DAB1: variants seen among roughly 807,000 people sequenced by gnomAD.
DAB1 encodes disabled homolog 1.
DAB1 carries 15 observed loss-of-function variants against 64.6 expected under a neutral mutation model. The ratio of observed to expected loss-of-function variants is 0.23; its 90% confidence interval spans 0.16 to 0.36. The LOEUF is 0.36. DAB1 is among the 10% of genes least tolerant of loss of function. DAB1 has a pLI of 1.00. For synonymous variants in DAB1, 235 were observed against 251.9 expected (o/e 0.93, Z 0.64); for missense variants, 596 against 706.7 (o/e 0.84, Z 1.78).
chr1:57,778,851 C>G (rs1649937925), intron 6 of DAB1, among the ~76,000 whole-genome samples: 1 of 151,626 alleles, frequency 6.6e-6, no homozygotes, highest in Non-Finnish European at 1.5e-5. Context: ...CTCCCTTTCT[C>G]CCTCCTTTCC....
chr1:57,153,686 G>A (rs1300948094), intron 2 of DAB1, among the ~76,000 whole-genome samples: 2 of 152,028 alleles, frequency 1.3e-5, no homozygotes, highest in Non-Finnish European at 2.9e-5. Context: ...CACTCAGGCT[G>A]GAGGGCAGTG....
intron 7 of DAB1, among the ~76,000 whole-genome samples, chr1:57,583,290 CTTT>C (rs34464140): frequency 1.2e-4 from 16 of 136,342 alleles, no homozygotes; most frequent in Admixed American, 3.0e-4. Flanking sequence ...TTTTTCTTTT[CTTT>C]TTTTTTTTTT....
chr1:57,620,417 G>C (rs1170195069), intron 7 of DAB1, among the ~76,000 whole-genome samples: 1 of 152,204 alleles, frequency 6.6e-6, no homozygotes, highest in Non-Finnish European at 1.5e-5. Context: ...GAAAATGCTA[G>C]TTTTGTATGA....
At chr1:57,042,214 G>A (rs1223726776) in intron 9 of DAB1, among the ~76,000 whole-genome samples, 1 of 152,192 alleles carries the variant, frequency 6.6e-6, no homozygotes, top group Non-Finnish European at 1.5e-5. Context: ...CTTAAGGTTT[G>A]AAGTCCAGAG....
chr1:58,233,019 T>C (rs1285648085), intron 4 of DAB1, among the ~76,000 whole-genome samples: 1 of 152,220 alleles, frequency 6.6e-6, no homozygotes, highest in Non-Finnish European at 1.5e-5. Context: ...CCTAGAACTC[T>C]ATGTAGCACA....
intron 1 of DAB1, among the ~76,000 whole-genome samples, chr1:57,349,656 T>C (rs1025329656): frequency 1.3e-5 from 2 of 152,188 alleles, no homozygotes; most frequent in Admixed American, 6.5e-5. Context: ...CAGCCTACCA[T>C]GTAGGCACCT....
intron 7 of DAB1, among the ~76,000 whole-genome samples, chr1:57,437,253 T>A (rs902360783): frequency 6.6e-6 from 1 of 152,026 alleles, no homozygotes; most frequent in African/African-American, 2.4e-5. Flanking sequence ...TTTCAAATAA[T>A]TCTCTTCCCT....
intron 6 of DAB1, among the ~76,000 whole-genome samples, chr1:57,663,599 G>C (rs1006456595): frequency 2.0e-5 from 3 of 151,778 alleles, no homozygotes; most frequent in African/African-American, 7.3e-5. Flanking sequence ...GCGGTAATGA[G>C]AGTTGAACAT....
At chr1:58,230,144 A>T (rs1659708208) in intron 4 of DAB1, among the ~76,000 whole-genome samples, 1 of 152,170 alleles carries the variant, frequency 6.6e-6, no homozygotes, top group South Asian at 2.1e-4. Context: ...GAAAAAAAGA[A>T]CAAGGTGACC....
intron 6 of DAB1, among the ~76,000 whole-genome samples, chr1:57,739,364 A>C (rs1327042511): frequency 1.4e-5 from 2 of 147,918 alleles, no homozygotes; most frequent in Non-Finnish European, 3.0e-5. Context: ...TCAGGGAAGA[A>C]TAACACTCAG....
At chr1:57,735,175 GAGA>G (rs1453770189) in intron 6 of DAB1, among the ~76,000 whole-genome samples, 3 of 152,196 alleles carry the variant, frequency 2.0e-5, no homozygotes, top group African/African-American at 7.2e-5. Context: ...TAAAATGAAG[GAGA>G]AGAAGTGAGA....
At chr1:58,118,511 C>T (rs1310140666) in intron 5 of DAB1, among the ~76,000 whole-genome samples, 4 of 97,038 alleles carry the variant, frequency 4.1e-5, no homozygotes, top group African/African-American at 1.7e-4. Context: ...TATACACACA[C>T]ACACACACAC....
intron 6 of DAB1, among the ~76,000 whole-genome samples, chr1:57,741,520 T>C (rs1647993001): frequency 6.6e-6 from 1 of 152,178 alleles, no homozygotes; most frequent in Non-Finnish European, 1.5e-5. Flanking sequence ...TCAAAGTGTC[T>C]AGATTTAAAT....
Position 58,249,001 on chromosome 1 carries a change from A to G in DAB1, n.309+94351T>C, listed in dbSNP as rs542776521. ...GCATTCATTGGAACTCAGCCTCCCA[A>G]AGCGGAAGCAAAGCCACTGCAAGGC... On this transcript the variant is annotated intron_variant and non_coding_transcript_variant, in intron 4 of 20. Coordinates refer to the DAB1 transcript ENST00000485760. Among the ~76,000 whole-genome samples the G allele has an allele frequency of 5.3e-4, 81 of 152,238 alleles. 1 individual carries two copies. Among genetic ancestry groups the G allele is most frequent in the African/African-American group, 1.9e-3 (78 of 41,532 alleles).
chr1:57,073,705 A>G (rs1344834653), intron 4 of DAB1, among the ~76,000 whole-genome samples: 1 of 152,178 alleles, frequency 6.6e-6, no homozygotes, highest in East Asian at 1.9e-4. Flanking sequence ...GGAGGTATGT[A>G]CCAGATCAAT....
At chr1:57,395,206 A>G (rs1333197723) in intron 1 of DAB1, among the ~76,000 whole-genome samples, 1 of 152,068 alleles carries the variant, frequency 6.6e-6, no homozygotes, top group Non-Finnish European at 1.5e-5. Context: ...TTGTATTTTT[A>G]GTAGAGACGG....
upstream of DAB1, among the ~76,000 whole-genome samples, chr1:57,425,468 G>A (rs1685247865): frequency 6.6e-6 from 1 of 152,046 alleles, no homozygotes; most frequent in Non-Finnish European, 1.5e-5. Context: ...TGCACTCCTT[G>A]TGGAGCCAGT....
At chr1:58,065,612 TC>T (rs1418748519) in intron 5 of DAB1, among the ~76,000 whole-genome samples, 2 of 152,102 alleles carry the variant, frequency 1.3e-5, no homozygotes, top group Non-Finnish European at 2.9e-5. Flanking sequence ...CATGGTCCCC[TC>T]CCAGCGGAGA....
intron 7 of DAB1, among the ~76,000 whole-genome samples, chr1:57,455,935 T>C (rs560921860): frequency 6.6e-6 from 1 of 152,322 alleles, no homozygotes; most frequent in South Asian, 2.1e-4. Flanking sequence ...CCTGAATTCA[T>C]CATTAAAAAT....
Sources: gnomAD v4.1 joint callset for allele counts (sites outside exome capture counted in the v4.1 genomes callset) on GRCh38, gnomAD v4.1.1 for gene constraint, MANE v1.5 for transcripts, NCBI Gene and HGNC (gene_info 2026-07-23, HGNC 2026-07-21) for gene names.